A4GNT: variants seen among roughly 807,000 people sequenced by gnomAD.
A4GNT encodes the protein alpha-1,4-N-acetylglucosaminyltransferase.
In A4GNT, 6 loss-of-function variants were observed where a neutral mutation model predicts 8.3. The observed-to-expected ratio is 0.72, with a 90% CI of 0.39 to 1.42. The LOEUF (loss-of-function observed/expected upper bound fraction) is 1.42, where lower values mean the gene tolerates loss of function less well. A4GNT is among the 40% of genes most tolerant of loss of function. A4GNT has a pLI of 0.02. For synonymous variants in A4GNT, 157 were observed against 159.8 expected (o/e 0.98, Z 0.13); for missense variants, 377 against 417.0 (o/e 0.90, Z 0.84).
chr3:138,124,152 G>T lies in A4GNT; in HGVS notation c.*112C>A. ...AGAAAGCTAATCCTAACTGACATTT[G>T]AGAGGCAACCCTCTGCCCACCCCGC... On this transcript the variant is annotated 3_prime_UTR_variant, in exon 3 of 3. Transcript: ENST00000236709. The T allele has an allele frequency of 7.1e-7, 1 of 1,411,272 alleles. No homozygotes were observed. Among genetic ancestry groups the T allele is most frequent in the Non-Finnish European group, 9.6e-7 (1 of 1,045,780 alleles). 87.4% of individuals were successfully genotyped at this position (1,411,272 alleles called of 1,614,324 possible).
At position 138,132,053 on chromosome 3, in the gene A4GNT, C is replaced by T. The variant is rs113926012; in HGVS notation, c.-27+159G>A. On this transcript the variant is annotated intron_variant, in intron 1 of 2. Coordinates refer to ENST00000236709, the MANE Select transcript of A4GNT (RefSeq NM_016161.3). Reference sequence around the variant, plus strand: ...GTATCTCTAGGTTCAGAAAACATAACTGAAAAACTAATAGAACTAAGAAAA... The same window carrying T: ...GTATCTCTAGGTTCAGAAAACATAATTGAAAAACTAATAGAACTAAGAAAA... Among the ~76,000 whole-genome samples the T allele has an allele frequency of 5.2e-3, 796 of 152,200 alleles. 5 individuals are homozygous for T. The highest frequency in any genetic ancestry group is 0.018 in the African/African-American group (742 of 41,496).
chr3:138,129,399 C>A (rs1283482041), intron 2 of A4GNT, among the ~76,000 whole-genome samples: 1 of 152,054 alleles, frequency 6.6e-6, no homozygotes, highest in African/African-American at 2.4e-5. Context: ...GAGACAGAGA[C>A]TGGAGTGAGG....
rs370015533 is a variant in A4GNT at position 138,124,177 on chromosome 3, C to T, written c.*87G>A. Reference sequence around the variant, plus strand: ...GAGAGGCAACCCTCTGCCCACCCCGCCAAGAGACAGTGGAGATCAAGTGAA... The same window carrying T: ...GAGAGGCAACCCTCTGCCCACCCCGTCAAGAGACAGTGGAGATCAAGTGAA... On this transcript the variant is annotated 3_prime_UTR_variant, in exon 3 of 3. Transcript: ENST00000236709. 1,247 of 1,522,588 alleles carry T rather than the reference C, an allele frequency of 8.2e-4. 16 individuals are homozygous for T. In the East Asian group the frequency reaches 0.026, roughly 32 times the overall value. 94.3% of individuals were successfully genotyped at this position (1,522,588 alleles called of 1,614,324 possible).
chr3:138,130,791 C>A, intron 2 of A4GNT, 58 bp downstream of exon 2: 1 of 1,557,162 alleles, frequency 6.4e-7, no homozygotes, highest in Non-Finnish European at 8.7e-7. Flanking sequence ...TGAGTCCTTA[C>A]CCTCAGTTTA....
At chr3:138,131,661 T>C (rs989928592) in intron 1 of A4GNT, among the ~76,000 whole-genome samples, 1 of 152,220 alleles carries the variant, frequency 6.6e-6, no homozygotes, top group African/African-American at 2.4e-5. Flanking sequence ...GATTTGACAT[T>C]AAAAATAATT....
Position 138,124,471 on chromosome 3 carries a change from A to G in A4GNT, c.816T>C (p.Tyr272=), listed in dbSNP as rs755834975. 2 of 1,614,192 alleles carry G rather than the reference A, an allele frequency of 1.2e-6. No individual in the cohort carries two copies. The highest frequency in any genetic ancestry group is 1.7e-5 in the Admixed American group (1 of 60,028). Residue 272 remains tyrosine, a synonymous_variant, in exon 3 of 3, where the codon TAT becomes TAC. Coordinates refer to ENST00000236709, the MANE Select transcript of A4GNT (RefSeq NM_016161.3). ...PISYREWRRY[Y]EVWDTEPSFN... Reference sequence around the variant, plus strand: ...AGCTTGGCTCTGTATCCCACACTTCATAGTAGCGCCTCCACTCTCGATAGG... The same window carrying G: ...AGCTTGGCTCTGTATCCCACACTTCGTAGTAGCGCCTCCACTCTCGATAGG...
Position 138,124,098 on chromosome 3 carries a change from A to G in A4GNT, c.*166T>C. 1.1e-6 allele frequency: 1 copy of G among 890,266 alleles called. No homozygotes were observed. Among genetic ancestry groups the G allele is most frequent in the East Asian group, 2.6e-5 (1 of 37,750 alleles). 55.1% of individuals were successfully genotyped at this position (890,266 alleles called of 1,614,324 possible). On this transcript the variant is annotated 3_prime_UTR_variant, in exon 3 of 3. Transcript: ENST00000236709. Reference sequence around the variant, plus strand: ...CATGGGTGTATGTTTTATAGCCAGTATCATTTGGGATTTTTCTATTACAGA... The same window carrying G: ...CATGGGTGTATGTTTTATAGCCAGTGTCATTTGGGATTTTTCTATTACAGA...
intron 2 of A4GNT, among the ~76,000 whole-genome samples, chr3:138,129,726 G>A (rs1048774391): frequency 3.3e-5 from 5 of 152,272 alleles, no homozygotes; most frequent in South Asian, 4.1e-4. Context: ...AAAAAGTTTG[G>A]TAATATTTGC....
intron 2 of A4GNT, among the ~76,000 whole-genome samples, chr3:138,125,201 A>G (rs1489453648): frequency 6.6e-6 from 1 of 152,228 alleles, no homozygotes; most frequent in Non-Finnish European, 1.5e-5. Flanking sequence ...TATGCACTGT[A>G]TGAGTCATTC....
Position 138,130,922 on chromosome 3 carries a change from T to C in A4GNT, c.335A>G (p.Asp112Gly). 1 of 1,614,124 alleles carries C rather than the reference T, an allele frequency of 6.2e-7. No individual in the cohort carries two copies. The highest frequency in any genetic ancestry group is 8.5e-7 in the Non-Finnish European group (1 of 1,180,026). ...YPAFSFLSAI[D>G]NVFLFPLDMK... ...ATCCAAAGGGAAGAGGAAAACGTTG[T>C]CTATTGCTGACAGGAAGGAAAAAGC... The change falls in exon 2 of 3, where the codon GAC becomes GGC. Residue 112 changes from aspartate (D) to glycine (G), a missense_variant. Transcript: ENST00000236709.
intron 2 of A4GNT, among the ~76,000 whole-genome samples, chr3:138,125,972 A>C (rs1327929169): frequency 6.6e-6 from 1 of 152,198 alleles, no homozygotes; most frequent in Non-Finnish European, 1.5e-5. Flanking sequence ...GGCTGGGGCC[A>C]AGACTGAAGT....
rs751000067 is a variant in A4GNT at position 138,131,271 on chromosome 3, G to T, written c.-15C>A. On this transcript the variant is annotated 5_prime_UTR_variant, in exon 2 of 3. Transcript: ENST00000236709. ...TCCTTCCGCATGTCCTCTTCTCTGT[G>T]CCAGCCTGCTCCTTTAAATCAACAC... 5 of 1,536,806 alleles carry T rather than the reference G, an allele frequency of 3.3e-6. No individual in the cohort carries two copies. Among genetic ancestry groups the T allele is most frequent in the African/African-American group, 1.4e-5 (1 of 72,918 alleles).
chr3:138,130,212 T>C (rs1304502113), intron 2 of A4GNT, among the ~76,000 whole-genome samples: 2 of 152,172 alleles, frequency 1.3e-5, no homozygotes, highest in Non-Finnish European at 2.9e-5. Context: ...AGGATGTCAG[T>C]TTTAAAAAAT....
At chr3:138,128,063 C>T (rs1318907263) in intron 2 of A4GNT, among the ~76,000 whole-genome samples, 2 of 152,154 alleles carry the variant, frequency 1.3e-5, no homozygotes, top group Non-Finnish European at 2.9e-5. Context: ...AAGAGGGTTC[C>T]ATGCTCAAAT....
At chr3:138,125,497 A>G (rs979501209) in intron 2 of A4GNT, among the ~76,000 whole-genome samples, 2 of 152,214 alleles carry the variant, frequency 1.3e-5, no homozygotes, top group Admixed American at 1.3e-4. Flanking sequence ...GGAGACAGAT[A>G]ATAAATAAAC....
In A4GNT at chr3:138,124,784, G is replaced by T; in HGVS notation, c.503C>A (p.Thr168Asn). Residue 168 changes from threonine (T) to asparagine (N), a missense_variant, in exon 3 of 3, where the codon ACC becomes AAC. Coordinates refer to ENST00000236709, the MANE Select transcript of A4GNT (RefSeq NM_016161.3). ...IWKYGGIYMD[T>N]DVISIRPIPE... The stretch of plus-strand genomic sequence containing the variant: ...GATGGGCCTGATGGAGATGACATCG[G>T]TGTCCATGTAGATGCCACCGTATTT... The T allele has an allele frequency of 1.9e-6, 3 of 1,614,160 alleles. No individual in the cohort carries two copies. Among genetic ancestry groups the T allele is most frequent in the Non-Finnish European group, 2.5e-6 (3 of 1,180,040 alleles).
intron 2 of A4GNT, among the ~76,000 whole-genome samples, chr3:138,126,475 G>A (rs1576522020): frequency 8.8e-6 from 1 of 113,674 alleles, no homozygotes; most frequent in Non-Finnish European, 2.0e-5. Flanking sequence ...TTCTGCTATC[G>A]AGTCAAATGA....
chr3:138,127,297 G>A (rs567823461), intron 2 of A4GNT, among the ~76,000 whole-genome samples: 10 of 151,536 alleles, frequency 6.6e-5, no homozygotes, highest in South Asian at 2.1e-4. Flanking sequence ...GACCAGGGGC[G>A]GGGCACAGTG....
Position 138,124,769 on chromosome 3 carries a change from A to C in A4GNT, c.518T>G (p.Ile173Ser). 6.2e-7 allele frequency: 1 copy of C among 1,614,184 alleles called. No individual in the cohort carries two copies. Among genetic ancestry groups the C allele is most frequent in the Non-Finnish European group, 8.5e-7 (1 of 1,180,038 alleles). Residue 173 changes from isoleucine to serine, a missense_variant, in exon 3 of 3, where the codon ATC becomes AGC. By Grantham distance (142) the Ile-to-Ser change is moderately radical. Coordinates refer to ENST00000236709, the MANE Select transcript of A4GNT (RefSeq NM_016161.3). ...AAAGTTCTCCTCAGGGATGGGCCTGATGGAGATGACATCGGTGTCCATGTA... is the reference window on the plus strand; with the variant it reads ...AAAGTTCTCCTCAGGGATGGGCCTGCTGGAGATGACATCGGTGTCCATGTA... ...GIYMDTDVIS[I>S]RPIPEENFLA...
Sources: gnomAD v4.1 joint callset for allele counts (sites outside exome capture counted in the v4.1 genomes callset) on GRCh38, gnomAD v4.1.1 for gene constraint, MANE v1.5 for transcripts, NCBI Gene and HGNC (gene_info 2026-07-23, HGNC 2026-07-21) for gene names.